The following MAN2C1 variants were observed in gnomAD, a reference collection of about 807,000 sequenced individuals.
MAN2C1 encodes the protein alpha-mannosidase 2C1.
In MAN2C1, 111 loss-of-function variants were observed where a neutral mutation model predicts 126.9. The ratio of observed to expected loss-of-function variants is 0.87; its 90% confidence interval spans 0.75 to 1.02. MAN2C1 has a LOEUF of 1.02. Among genes scored for constraint, MAN2C1 ranks in the 50% least tolerant of loss-of-function variants. The pLI, the probability that MAN2C1 is intolerant of heterozygous loss-of-function variation, is 0.00. For synonymous variants in MAN2C1, 567 were observed against 561.5 expected (o/e 1.01, Z -0.14); for missense variants, 1,363 against 1,364.4 (o/e 1.00, Z 0.02).
Position 75,356,902 on chromosome 15 carries a change from C to A in MAN2C1, c.2548G>T (p.Val850Leu), listed in dbSNP as rs2072330333. 1.9e-6 allele frequency: 3 copies of A among 1,613,554 alleles called. No homozygotes were observed. Among genetic ancestry groups the A allele is most frequent in the Non-Finnish European group, 2.5e-6 (3 of 1,179,572 alleles). ...AGATCCATCCAGCGATGGGCCCACA[C>A]CTGGAGGGCAGATCCAAGACCCACT... ...NTSWDWARFE[V>L]WAHRWMDLSE... The change falls in exon 22 of 26, where the codon GTG (valine) becomes TTG (leucine). Residue 850 changes from valine (V) to leucine (L), a missense_variant and splice_region_variant. By Grantham distance (32) the Val-to-Leu change is conservative. Transcript: ENST00000267978. The surrounding 1 kb of genome is among the most constrained non-coding windows in gnomAD (Gnocchi z 5.8).
At position 75,356,360 on chromosome 15, in the gene MAN2C1, T is replaced by C. The variant is rs767237893; in HGVS notation, c.2827A>G (p.Thr943Ala). Residue 943 changes from threonine to alanine, a missense_variant, in exon 24 of 26, where the codon ACC becomes GCC. Coordinates refer to ENST00000267978, the MANE Select transcript of MAN2C1 (RefSeq NM_006715.4). The surrounding 1 kb of genome is among the most constrained non-coding windows in gnomAD (Gnocchi z 5.8). ...GACACGGAAAACGCACTCCAGGAGG[T>C]GGCGGGCGCTGGGCTGGGGGCTGGC... The part of the protein sequence containing the change: ...ALPAPSPAPA[T>A]SWSAFSVSSP... 1 of 1,610,354 alleles carries C rather than the reference T, an allele frequency of 6.2e-7. No individual in the cohort carries two copies. The highest frequency in any genetic ancestry group is 8.5e-7 in the Non-Finnish European group (1 of 1,179,008).
At chr15:75,363,063 C>A in intron 6 of MAN2C1, 1 of 411,528 alleles carries the variant, frequency 2.4e-6, no homozygotes, top group Non-Finnish European at 4.7e-6. Context: ...AGGGACTACC[C>A]TGCCCCTGCA....
At chr15:75,364,382 C>G (rs889456847) in intron 5 of MAN2C1, 106 bp downstream of exon 5, 3 of 1,353,360 alleles carry the variant, frequency 2.2e-6, no homozygotes, top group Admixed American at 5.6e-5. Context: ...GGTGGAAACC[C>G]TCGTCCTACT....
chr15:75,356,171 C>T lies in MAN2C1; in HGVS notation c.2935G>A (p.Ala979Thr). ...RRSLVLRLYEAHGSHVDCWLH... is the reference protein window; with the variant it reads ...RRSLVLRLYETHGSHVDCWLH... ...CAGCAGTCCACGTGGCTGCCGTGGGCCTCATACAGCCTCAGGACCAGCGAG... is the reference window on the plus strand; with the variant it reads ...CAGCAGTCCACGTGGCTGCCGTGGGTCTCATACAGCCTCAGGACCAGCGAG... The change falls in exon 25 of 26, where the codon GCC (alanine) becomes ACC (threonine). Residue 979 changes from alanine to threonine, a missense_variant. Transcript: ENST00000267978. This position sits in a 1 kb window ranked among gnomAD's most constrained non-coding sequence, Gnocchi z 5.8. The T allele has an allele frequency of 6.2e-7, 1 of 1,613,592 alleles. No individual in the cohort carries two copies. Among genetic ancestry groups the T allele is most frequent in the Non-Finnish European group, 8.5e-7 (1 of 1,179,982 alleles).
chr15:75,368,135 G>A lies in MAN2C1; in HGVS notation c.165C>T (p.Pro55=), dbSNP rs1199244673. The part of the protein sequence containing the change: ...LSSFLTPERL[P]YQEAVQRDFR... ...AGTCCCGCTGGACTGCCTCCTGGTA[G>A]GGAAGTCTCTCCGGCGTCAGGAAGC... Residue 55 remains proline, a synonymous_variant, in exon 2 of 26, where the codon CCC becomes CCT. Coordinates refer to ENST00000267978, the MANE Select transcript of MAN2C1 (RefSeq NM_006715.4). 6.2e-7 allele frequency: 1 copy of A among 1,605,950 alleles called. No homozygotes were observed. The highest frequency in any genetic ancestry group is 8.5e-7 in the Non-Finnish European group (1 of 1,177,362).
intron 17 of MAN2C1, 47 bp from the exon 18 acceptor site, chr15:75,359,200 A>C: frequency 1.2e-6 from 2 of 1,610,374 alleles, no homozygotes; most frequent in Non-Finnish European, 1.7e-6. Context: ...GGCTTCCCAC[A>C]CCAAAAGTCT....
chr15:75,358,365 G>A, intron 20 of MAN2C1, 21 bp from the exon 21 acceptor site: 1 of 1,614,002 alleles, frequency 6.2e-7, no homozygotes, highest in Non-Finnish European at 8.5e-7. Context: ...GAAGGAGGGT[G>A]GGAGTCAGGG....
Position 75,360,578 on chromosome 15 carries a change from G to A in MAN2C1, c.1571C>T (p.Thr524Ile), listed in dbSNP as rs1444621907. ...CCTCCCCCTGACCTGGGCATGGGTGGTGTATGTGCCATTGTGCAGCTCCAA... is the reference window on the plus strand; with the variant it reads ...CCTCCCCCTGACCTGGGCATGGGTGATGTATGTGCCATTGTGCAGCTCCAA... Reference protein sequence around the residue: ...LFLELHNGTYTTHAQIKKGNR... With the variant: ...LFLELHNGTYITHAQIKKGNR... The change falls in exon 13 of 26, where the codon ACC becomes ATC. Residue 524 changes from threonine to isoleucine, a missense_variant. Thr to Ile is a moderately conservative substitution (Grantham distance 89). Around this residue, in one of 3 missense-constraint regions of MAN2C1, gnomAD observed 67 missense variants for 104.5 expected, o/e 0.64. Transcript: ENST00000267978. 60 of 1,613,630 alleles carry A rather than the reference G, an allele frequency of 3.7e-5. No homozygotes were observed. Among genetic ancestry groups the A allele is most frequent in the Non-Finnish European group, 5.0e-5 (59 of 1,179,932 alleles).
At chr15:75,368,388 G>T (rs927444868) in intron 1 of MAN2C1, 95 bp downstream of exon 1, 5 of 1,429,502 alleles carry the variant, frequency 3.5e-6, no homozygotes, top group Non-Finnish European at 2.8e-6. Flanking sequence ...ACTTTGTCCC[G>T]CGGCCCGGGT....
At position 75,359,373 on chromosome 15, in the gene MAN2C1, T is replaced by C. The variant is rs756352813; in HGVS notation, c.2001A>G (p.Ser667=). ...MGYAPVPPPT[S]LQPLLPQQPV... Reference sequence around the variant, plus strand: ...GCTGCTGGGGCAGCAGGGGCTGCAGTGAGGTGGGGGGAGGAACAGGAGCAT... The same window carrying C: ...GCTGCTGGGGCAGCAGGGGCTGCAGCGAGGTGGGGGGAGGAACAGGAGCAT... Residue 667 remains serine, a synonymous_variant, in exon 17 of 26, where the codon TCA becomes TCG. Coordinates refer to ENST00000267978, the MANE Select transcript of MAN2C1 (RefSeq NM_006715.4). 2.5e-6 allele frequency: 4 copies of C among 1,605,866 alleles called. No homozygotes were observed. The East Asian group carries it at 6.7e-5, about 27-fold the overall frequency.
rs572240160 is a variant in MAN2C1, at chr15:75,356,637, G to A, written c.2706C>T (p.His902=). 12 of 1,569,624 alleles carry A rather than the reference G, an allele frequency of 7.6e-6. No individual in the cohort carries two copies. The South Asian group carries it at 8.1e-5, about 11-fold the overall frequency. ...APDATADTGR[H]EFTYALMPHK... Reference sequence around the variant, plus strand: ...GCGGCATCAGTGCATAGGTGAACTCGTGGCGCCCCGTGTCAGCAGTAGCGT... The same window carrying A: ...GCGGCATCAGTGCATAGGTGAACTCATGGCGCCCCGTGTCAGCAGTAGCGT... The change falls in exon 23 of 26, where the codon CAC becomes CAT. Residue 902 remains histidine (H), a synonymous_variant. Transcript: ENST00000267978. This position sits in a 1 kb window ranked among gnomAD's most constrained non-coding sequence, Gnocchi z 5.8.
Position 75,358,826 on chromosome 15 carries a change from T to C in MAN2C1, c.2142-18A>G. 1 of 1,598,608 alleles carries C rather than the reference T, an allele frequency of 6.3e-7. No individual in the cohort carries two copies. Among genetic ancestry groups the C allele is most frequent in the Non-Finnish European group, 8.6e-7 (1 of 1,167,278 alleles). ...TGGCCTCCCTGGAAGGACATGGGAT[T>C]GGTGCTGTACAACCAACTGACCTCG... On this transcript the variant is annotated intron_variant, in intron 18 of 25. Transcript: ENST00000267978.
Position 75,358,507 on chromosome 15 carries a change from C to G in MAN2C1, c.2358G>C (p.Glu786Asp). 6.2e-7 allele frequency: 1 copy of G among 1,613,536 alleles called. No individual in the cohort carries two copies. The highest frequency in any genetic ancestry group is 1.1e-5 in the South Asian group (1 of 91,088). Residue 786 changes from glutamate to aspartate, a missense_variant, in exon 20 of 26, where the codon GAG (glutamate) becomes GAC (aspartate). Physicochemically the swap from Glu to Asp is conservative, Grantham distance 45. Around this residue, in one of 3 missense-constraint regions of MAN2C1, gnomAD observed 668 missense variants for 650.1 expected, o/e 1.03. Coordinates refer to ENST00000267978, the MANE Select transcript of MAN2C1 (RefSeq NM_006715.4). ...AGGGGCAGCCAACGTCCAGCACAAC[C>G]TCCTGGCTAAGCCGACTGTTGGGGC... is the stretch of plus-strand genomic sequence containing the variant. Reference protein sequence around the residue: ...QISPNSRLSQEVVLDVGCPYV... With the variant: ...QISPNSRLSQDVVLDVGCPYV...
At chr15:75,357,401 G>A (rs552610726) in intron 21 of MAN2C1, 1 of 143,018 alleles carries the variant, frequency 7.0e-6, no homozygotes, top group Non-Finnish European at 1.5e-5. Context: ...CGCCTAAAGG[G>A]TTCAAGCGAT....
chr15:75,360,722 T>G, intron 12 of MAN2C1, 34 bp from the exon 13 acceptor site: 3 of 1,608,708 alleles, frequency 1.9e-6, no homozygotes, highest in Non-Finnish European at 2.5e-6. Context: ...CTCCCAGCCT[T>G]GGAGACCACA....
intron 6 of MAN2C1, chr15:75,363,706 T>C: frequency 2.6e-6 from 1 of 387,208 alleles, no homozygotes; most frequent in Non-Finnish European, 4.7e-6. Context: ...CTAAGGAGGC[T>C]GAGGCAAGAG....
intron 19 of MAN2C1, 28 bp from the exon 20 acceptor site, chr15:75,358,646 C>T (rs1356787724): frequency 1.9e-6 from 3 of 1,613,078 alleles, no homozygotes; most frequent in Non-Finnish European, 2.5e-6. Flanking sequence ...ACATACTGAT[C>T]CAGAGCAGCC....
intron 21 of MAN2C1, chr15:75,357,885 CTGGGA>C: frequency 3.2e-6 from 1 of 309,450 alleles, no homozygotes; most frequent in South Asian, 3.2e-5. Flanking sequence ...TCCCAAACTG[CTGGGA>C]TTACAGGCGT....
chr15:75,361,779 GCCTCAGCC>G lies in MAN2C1; in HGVS notation c.1102-67_1102-60del. On this transcript the variant is annotated intron_variant, in intron 9 of 25. Transcript: ENST00000267978. This position sits in a 1 kb window ranked among gnomAD's most constrained non-coding sequence, Gnocchi z 5.0. ...CAGAGCTCCAGGCGGACTCACCCCA[GCCTCAGCC>G]CCTCAGCACTCCAAGTCGAGCGCCA... 1 of 1,591,540 alleles carries G rather than the reference GCCTCAGCC, an allele frequency of 6.3e-7. No individual in the cohort carries two copies. Among genetic ancestry groups the G allele is most frequent in the South Asian group, 1.1e-5 (1 of 90,636 alleles).
Sources: allele counts gnomAD v4.1 joint callset, GRCh38; gene constraint gnomAD v4.1.1; regional missense constraint gnomAD v4.1.1; non-coding constraint Gnocchi (gnomAD v3.1); transcripts MANE v1.5; gene names NCBI Gene and HGNC (gene_info 2026-07-23, HGNC 2026-07-21).